PIP5K1C: variants seen among roughly 807,000 people sequenced by gnomAD.
The protein encoded by PIP5K1C is phosphatidylinositol-4-phosphate 5-kinase type 1 gamma.
A neutral mutation model predicts 80.1 loss-of-function variants in PIP5K1C; 45 were observed. That is an observed-to-expected ratio of 0.56 (90% confidence interval 0.44 to 0.72). The LOEUF (loss-of-function observed/expected upper bound fraction) is 0.72. Among genes scored for constraint, PIP5K1C ranks in the 30% least tolerant of loss-of-function variants. The probability of loss-of-function intolerance (pLI) is 0.00; values close to 1 mark genes in which losing one functional copy is unlikely to be tolerated. For missense variants in PIP5K1C, 753 were observed against 954.6 expected (o/e 0.79, Z 2.78); for synonymous variants, 498 against 420.1 (o/e 1.19, Z -2.27).
chr19:3,671,824 G>A (rs752683671), intron 1 of PIP5K1C, among the ~76,000 whole-genome samples: 7 of 152,270 alleles, frequency 4.6e-5, no homozygotes, highest in Non-Finnish European at 1.0e-4. Flanking sequence ...AGAGCCTGCC[G>A]TGACCCCCAT....
At chr19:3,690,639 T>A (rs957096655) in intron 1 of PIP5K1C, among the ~76,000 whole-genome samples, 1 of 152,112 alleles carries the variant, frequency 6.6e-6, no homozygotes, top group East Asian at 1.9e-4. Context: ...TTTGACCACA[T>A]AAACCCCAAA....
At chr19:3,689,150 CAA>C (rs765575786) in intron 1 of PIP5K1C, among the ~76,000 whole-genome samples, 3 of 152,166 alleles carry the variant, frequency 2.0e-5, no homozygotes, top group Middle Eastern at 3.2e-3. Context: ...CTCAGCCTCC[CAA>C]AGTGCTGGGA....
intron 1 of PIP5K1C, among the ~76,000 whole-genome samples, chr19:3,691,539 A>G (rs2035950037): frequency 6.6e-6 from 1 of 152,080 alleles, no homozygotes; most frequent in Non-Finnish European, 1.5e-5. Context: ...AACAGCCAAG[A>G]GCCGCAAACA....
At chr19:3,677,321 G>A (rs1210600593) in intron 1 of PIP5K1C, among the ~76,000 whole-genome samples, 5 of 151,756 alleles carry the variant, frequency 3.3e-5, no homozygotes, top group South Asian at 2.1e-4. Flanking sequence ...GGTGGCTCAC[G>A]CCTGTCATCC....
rs1356419659 is a variant in PIP5K1C, at chr19:3,677,992, T to C, written c.95-10639A>G. On this transcript the variant is annotated intron_variant, in intron 1 of 17. Transcript: ENST00000335312. ...GATGGAGGAATAGAGGGAAGGAGGATGGAGGGATGGACAGATGGAGGGATG... is the reference window on the plus strand; with the variant it reads ...GATGGAGGAATAGAGGGAAGGAGGACGGAGGGATGGACAGATGGAGGGATG... Among the ~76,000 whole-genome samples, 7 of 68,726 alleles carry C rather than the reference T, an allele frequency of 1.0e-4. 1 individual carries two copies. Among genetic ancestry groups the C allele is most frequent in the South Asian group, 1.2e-3 (2 of 1,668 alleles). The allele number at this position is 68,726 out of a possible 152,430, so 45.1% of individuals were successfully genotyped here.
intron 15 of PIP5K1C, among the ~76,000 whole-genome samples, chr19:3,641,222 A>C (rs1375723070): frequency 6.6e-6 from 1 of 152,100 alleles, no homozygotes; most frequent in Non-Finnish European, 1.5e-5. Context: ...CTCACAAAAA[A>C]AATTTAAAAA....
At chr19:3,663,183 C>T (rs1377498484) in intron 3 of PIP5K1C, among the ~76,000 whole-genome samples, 1 of 150,962 alleles carries the variant, frequency 6.6e-6, no homozygotes, top group Non-Finnish European at 1.5e-5. Flanking sequence ...GTTATTTTTG[C>T]CATTGGCATC....
chr19:3,678,436 A>G, intron 1 of PIP5K1C, among the ~76,000 whole-genome samples: 1 of 98,060 alleles, frequency 1.0e-5, no homozygotes, highest in East Asian at 3.9e-4. Flanking sequence ...GGGATGGAGG[A>G]TGGAGAGATG....
intron 1 of PIP5K1C, among the ~76,000 whole-genome samples, chr19:3,682,658 C>T: frequency 6.6e-6 from 1 of 152,120 alleles, no homozygotes; most frequent in Admixed American, 6.6e-5. Context: ...CACTCCATTT[C>T]AGCCTGGGTG....
chr19:3,638,240 G>A (rs546278275), intron 16 of PIP5K1C, among the ~76,000 whole-genome samples: 3 of 152,250 alleles, frequency 2.0e-5, no homozygotes, highest in East Asian at 1.9e-4. Flanking sequence ...CTCGCTGGCC[G>A]CCCGGCAGCC....
rs946424540 is a variant in PIP5K1C at position 3,630,285 on chromosome 19, G to A, written c.*2882C>T. The A allele has an allele frequency of 6.6e-6, 1 of 152,496 alleles. No individual in the cohort carries two copies. The highest frequency in any genetic ancestry group is 1.5e-5 in the Non-Finnish European group (1 of 68,040). The allele number at this position is 152,496 out of a possible 1,614,324, so 9.4% of individuals were successfully genotyped here. A position where few individuals can be genotyped will look rare whatever the true frequency, so the allele number is the denominator to read the frequency against. On this transcript the variant is annotated 3_prime_UTR_variant, in exon 18 of 18. Coordinates refer to ENST00000335312, the MANE Select transcript of PIP5K1C (RefSeq NM_012398.3). ...TGCAAACCAGTGTTTGGGGCCAGGA[G>A]TGGCTGTATGGTTTCAGAGGCGCCC...
At position 3,692,866 on chromosome 19, in the gene PIP5K1C, G is replaced by A. The variant is rs2035988088; in HGVS notation, c.94+7431C>T. The stretch of plus-strand genomic sequence containing the variant: ...TCACTGTTCCTCTAAAACACCAGGC[G>A]TGGTCCTGCCCCAGAGCCTTTGCAC... On this transcript the variant is annotated intron_variant, in intron 1 of 17. Coordinates refer to ENST00000335312, the MANE Select transcript of PIP5K1C (RefSeq NM_012398.3). This position sits in a 1 kb window ranked among gnomAD's most constrained non-coding sequence, Gnocchi z 5.2. Among the ~76,000 whole-genome samples the A allele has an allele frequency of 6.7e-6, 1 of 149,584 alleles. No individual in the cohort carries two copies. The highest frequency in any genetic ancestry group is 2.2e-4 in the South Asian group (1 of 4,642).
chr19:3,642,866 G>A (rs752702655), intron 14 of PIP5K1C, 41 bp downstream of exon 14: 8 of 1,563,268 alleles, frequency 5.1e-6, no homozygotes, highest in East Asian at 4.5e-5. Flanking sequence ...TGTGCAGGAG[G>A]AGCTGGTGAG....
intron 3 of PIP5K1C, among the ~76,000 whole-genome samples, chr19:3,663,445 A>G (rs915124536): frequency 6.6e-6 from 1 of 152,204 alleles, no homozygotes; most frequent in Non-Finnish European, 1.5e-5. Flanking sequence ...CACGGACAGA[A>G]CAGACATGTG....
chr19:3,657,750 G>A (rs2034686052), intron 5 of PIP5K1C, among the ~76,000 whole-genome samples: 1 of 141,876 alleles, frequency 7.0e-6, no homozygotes, highest in Non-Finnish European at 1.5e-5. Flanking sequence ...ACAGAGCGAG[G>A]CCTCATCTGT....
At chr19:3,670,831 C>T (rs975802204) in intron 1 of PIP5K1C, among the ~76,000 whole-genome samples, 10 of 151,954 alleles carry the variant, frequency 6.6e-5, no homozygotes, top group South Asian at 2.1e-4. Flanking sequence ...GGGACGGGGA[C>T]GGAGGGAGTG....
At chr19:3,678,304 G>A (rs1351558171) in intron 1 of PIP5K1C, among the ~76,000 whole-genome samples, 7 of 133,554 alleles carry the variant, frequency 5.2e-5, no homozygotes, top group East Asian at 2.5e-4. Flanking sequence ...AGGGATGGAG[G>A]GACGGAGGGA....
At chr19:3,667,240 A>AGGCCACACG (rs1471285726) in intron 2 of PIP5K1C, 82 bp downstream of exon 2, 16 of 1,277,740 alleles carry the variant, frequency 1.3e-5, no homozygotes, top group Non-Finnish European at 1.8e-5. Flanking sequence ...GAGCTGCCCC[A>AGGCCACACG]GGCCACACAG....
rs2035860745 is a variant in PIP5K1C at position 3,688,956 on chromosome 19, G to A, written c.94+11341C>T. Among the ~76,000 whole-genome samples the A allele has an allele frequency of 6.8e-6, 1 of 147,902 alleles. No individual in the cohort carries two copies. Among genetic ancestry groups the A allele is most frequent in the Non-Finnish European group, 1.5e-5 (1 of 67,786 alleles). On this transcript the variant is annotated intron_variant, in intron 1 of 17. Coordinates refer to ENST00000335312, the MANE Select transcript of PIP5K1C (RefSeq NM_012398.3). The surrounding 1 kb of genome is among the most constrained non-coding windows in gnomAD (Gnocchi z 5.3). ...GAGAGTGCCCGGGATGGGGCTGGGG[G>A]GTGGGGGGGGCTTGGCGCACGCGGC...
Sources: gnomAD v4.1 joint callset for allele counts (sites outside exome capture counted in the v4.1 genomes callset) on GRCh38, gnomAD v4.1.1 for gene constraint, Gnocchi (gnomAD v3.1) non-coding constraint, MANE v1.5 for transcripts, NCBI Gene and HGNC (gene_info 2026-07-23, HGNC 2026-07-21) for gene names.